The following KCNQ3 variants were observed in gnomAD, a reference collection of about 807,000 sequenced individuals.
The protein encoded by KCNQ3 is potassium voltage-gated channel subfamily Q member 3.
A neutral mutation model predicts 92.5 loss-of-function variants in KCNQ3; 30 were observed. The observed-to-expected ratio is 0.32, with a 90% CI of 0.24 to 0.44. The LOEUF (loss-of-function observed/expected upper bound fraction) is 0.44. Ranked by LOEUF, KCNQ3 falls within the 20% of genes least tolerant of loss-of-function variation. The pLI is 1.00. For missense variants in KCNQ3, 913 were observed against 1,140.3 expected, an observed-to-expected ratio of 0.80 and a Z score of 2.87; for synonymous variants, 450 against 468.8, an observed-to-expected ratio of 0.96 and a Z score of 0.52.
chr8:132,441,608 T>C (rs1429655905), intron 1 of KCNQ3, among the ~76,000 whole-genome samples: 1 of 131,468 alleles, frequency 7.6e-6, no homozygotes, highest in Non-Finnish European at 1.7e-5. Flanking sequence ...CAAACAAATA[T>C]ATATATATAT....
chr8:132,452,756 G>A (rs1439608947), intron 1 of KCNQ3, among the ~76,000 whole-genome samples: 1 of 152,012 alleles, frequency 6.6e-6, no homozygotes, highest in African/African-American at 2.4e-5. Context: ...GGTCATTTTC[G>A]GGCCACCTTG....
At chr8:132,339,352 A>AC (rs764160986) in intron 1 of KCNQ3, among the ~76,000 whole-genome samples, 161 of 151,944 alleles carry the variant, frequency 1.1e-3, no homozygotes, top group Non-Finnish European at 1.9e-3. Context: ...AATCTAGAGG[A>AC]CCCCCTCACC....
chr8:132,129,310 C>T lies in KCNQ3; in HGVS notation c.2571G>A (p.Gly857=). The T allele has an allele frequency of 6.2e-7, 1 of 1,614,078 alleles. No homozygotes were observed. The highest frequency in any genetic ancestry group is 2.2e-5 in the East Asian group (1 of 44,888). Residue 857 remains glycine (G), a synonymous_variant, in exon 15 of 15, where the codon GGG becomes GGA. Transcript: ENST00000388996. The surrounding 1 kb of genome is among the most constrained non-coding windows in gnomAD (Gnocchi z 5.9). ...TCCATACTGAATCAGAAATCCCATC[C>T]CCTGTGGACGACAGAGGCATGGAGC... The part of the protein sequence containing the change: ...PSGSMPLSST[G]DGISDSVWTP...
intron 1 of KCNQ3, among the ~76,000 whole-genome samples, chr8:132,221,660 G>T (rs28886131): frequency 0.05 from 7,544 of 152,164 alleles, 240 homozygotes; most frequent in South Asian, 0.056. Flanking sequence ...TTTTGGTGGG[G>T]TTGTTTGTTT....
intron 9 of KCNQ3, among the ~76,000 whole-genome samples, chr8:132,161,125 T>A (rs1374909422): frequency 6.6e-6 from 1 of 152,196 alleles, no homozygotes; most frequent in Non-Finnish European, 1.5e-5. Flanking sequence ...ACAGCCCTTA[T>A]AAAGCCATAG....
chr8:132,182,731 A>C (rs1826825574), intron 3 of KCNQ3, among the ~76,000 whole-genome samples: 1 of 152,228 alleles, frequency 6.6e-6, no homozygotes, highest in Non-Finnish European at 1.5e-5. Context: ...AAGAAAAATA[A>C]GTCTGCTTAA....
chr8:132,284,185 A>C (rs2130537090), intron 1 of KCNQ3, among the ~76,000 whole-genome samples: 1 of 152,056 alleles, frequency 6.6e-6, no homozygotes, highest in East Asian at 1.9e-4. Context: ...AAGTATAATA[A>C]AAAAAAATAA....
chr8:132,138,777 G>A (rs75418894), intron 11 of KCNQ3, among the ~76,000 whole-genome samples: 4 of 152,320 alleles, frequency 2.6e-5, no homozygotes, highest in East Asian at 1.9e-4. Context: ...TGCGCAAGTC[G>A]TTTTAATGGT....
chr8:132,368,342 A>G (rs953954738), intron 1 of KCNQ3, among the ~76,000 whole-genome samples: 6 of 152,170 alleles, frequency 3.9e-5, no homozygotes, highest in Admixed American at 6.5e-5. Flanking sequence ...CTTTTTCACA[A>G]CAATCTTATT....
At chr8:132,464,746 G>A (rs1028870278) in intron 1 of KCNQ3, among the ~76,000 whole-genome samples, 8 of 152,182 alleles carry the variant, frequency 5.3e-5, no homozygotes, top group Non-Finnish European at 1.2e-4. Context: ...TGATCCCCAA[G>A]TGGACTCAGT....
intron 1 of KCNQ3, among the ~76,000 whole-genome samples, chr8:132,314,327 T>G (rs1163844388): frequency 6.6e-6 from 1 of 152,202 alleles, no homozygotes; most frequent in African/African-American, 2.4e-5. Context: ...TCGTCAGGTC[T>G]AGAGGAAGAC....
intron 1 of KCNQ3, among the ~76,000 whole-genome samples, chr8:132,278,686 T>C (rs996122309): frequency 2.0e-5 from 3 of 152,200 alleles, no homozygotes; most frequent in Admixed American, 1.3e-4. Flanking sequence ...TGGCTAGACA[T>C]GCAGAATTGC....
intron 1 of KCNQ3, among the ~76,000 whole-genome samples, chr8:132,329,145 T>C (rs766156469): frequency 5.3e-5 from 8 of 152,178 alleles, no homozygotes; most frequent in African/African-American, 7.2e-5. Flanking sequence ...AGCAAGAAAG[T>C]AGCAGGTAAC....
intron 1 of KCNQ3, among the ~76,000 whole-genome samples, chr8:132,274,271 G>C (rs1419993496): frequency 6.6e-6 from 1 of 152,102 alleles, no homozygotes; most frequent in Non-Finnish European, 1.5e-5. Flanking sequence ...GATGGCAGCA[G>C]GCAAAAAGAG....
chr8:132,404,178 C>A (rs574896778), intron 1 of KCNQ3, among the ~76,000 whole-genome samples: 1 of 152,188 alleles, frequency 6.6e-6, no homozygotes, highest in African/African-American at 2.4e-5. Flanking sequence ...CAAAGGGATG[C>A]TCTGTAGAGT....
intron 1 of KCNQ3, among the ~76,000 whole-genome samples, chr8:132,292,512 G>A (rs1446380183): frequency 6.6e-6 from 1 of 152,148 alleles, no homozygotes; most frequent in Non-Finnish European, 1.5e-5. Context: ...ATATATGGAA[G>A]GAAGTAGCGT....
At position 132,158,780 on chromosome 8, in the gene KCNQ3, C is replaced by T. The variant is rs144831969; in HGVS notation, c.1262+4688G>A. Among the ~76,000 whole-genome samples, 134 of 152,216 alleles carry T rather than the reference C, an allele frequency of 8.8e-4. 1 individual carries two copies. The highest frequency in any genetic ancestry group is 3.2e-3 in the African/African-American group (131 of 41,536). On this transcript the variant is annotated intron_variant, in intron 9 of 14. Coordinates refer to ENST00000388996, the MANE Select transcript of KCNQ3 (RefSeq NM_004519.4). ...AGAAGAGTTGTGCTTACAACTATGC[C>T]GGGGAAGCAGTCAGCATTCTTTGTA...
intron 1 of KCNQ3, among the ~76,000 whole-genome samples, chr8:132,398,733 G>A (rs1351170838): frequency 1.3e-5 from 2 of 152,224 alleles, no homozygotes; most frequent in African/African-American, 4.8e-5. Flanking sequence ...GAGCATGAGA[G>A]TAAGGAACAG....
chr8:132,306,080 C>T (rs1182908920), intron 1 of KCNQ3, among the ~76,000 whole-genome samples: 9 of 152,110 alleles, frequency 5.9e-5, no homozygotes, highest in South Asian at 4.1e-4. Flanking sequence ...TTAGGCAACT[C>T]GCCCAAGGCC....
Sources: gnomAD v4.1 joint callset for allele counts (sites outside exome capture counted in the v4.1 genomes callset) on GRCh38, gnomAD v4.1.1 for gene constraint, Gnocchi (gnomAD v3.1) non-coding constraint, MANE v1.5 for transcripts, NCBI Gene and HGNC (gene_info 2026-07-23, HGNC 2026-07-21) for gene names.